The following ATP13A5 variants were observed in gnomAD, a reference collection of about 807,000 sequenced individuals.
ATP13A5 encodes probable cation-transporting ATPase 13A5.
In ATP13A5, 149 loss-of-function variants were observed where a neutral mutation model predicts 150.2. The observed-to-expected ratio is 0.99, with a 90% CI of 0.87 to 1.14. The LOEUF (loss-of-function observed/expected upper bound fraction) is 1.14. Among genes scored for constraint, ATP13A5 ranks in the 50% most tolerant of loss-of-function variants. ATP13A5 has a pLI of 0.00. For missense variants in ATP13A5, 1,383 were observed against 1,449.3 expected, an observed-to-expected ratio of 0.95 and a Z score of 0.74; for synonymous variants, 497 against 522.2, an observed-to-expected ratio of 0.95 and a Z score of 0.66.
chr3:193,281,120 G>A, intron 27 of ATP13A5: 1 of 915,182 alleles, frequency 1.1e-6, no homozygotes, highest in Non-Finnish European at 1.3e-6. Context: ...CATCTCTCAG[G>A]ATAAAGCAAT....
intron 1 of ATP13A5, among the ~76,000 whole-genome samples, chr3:193,371,090 G>A (rs1481577335): frequency 6.6e-6 from 1 of 152,082 alleles, no homozygotes; most frequent in Non-Finnish European, 1.5e-5. Flanking sequence ...TGTAAGTGTG[G>A]GTCAAAAGAT....
chr3:193,321,611 A>G, intron 16 of ATP13A5, 70 bp downstream of exon 16: 1 of 1,546,470 alleles, frequency 6.5e-7, no homozygotes, highest in Non-Finnish European at 8.8e-7. Flanking sequence ...AGCCTTGGGG[A>G]CAGAGCAAGA....
chr3:193,303,340 G>A (rs1478258838), intron 23 of ATP13A5, among the ~76,000 whole-genome samples: 2 of 152,092 alleles, frequency 1.3e-5, no homozygotes, highest in African/African-American at 2.4e-5. Context: ...CCTGGCTTGA[G>A]TTCTCACACT....
rs1473618388 is a variant in ATP13A5 at position 193,280,529 on chromosome 3, T to G, written c.3227-1075A>C. On this transcript the variant is annotated intron_variant, in intron 27 of 29. Transcript: ENST00000342358. The stretch of plus-strand genomic sequence containing the variant: ...ATCTCTGGTTCTCTGGAACTCTGAC[T>G]TGAAAAAGTAAATGAGAAATTAGCA... Among the ~76,000 whole-genome samples, 20 of 152,332 alleles carry G rather than the reference T, an allele frequency of 1.3e-4. 1 individual carries two copies. The East Asian group carries it at 3.9e-3, about 29-fold the overall frequency.
intron 22 of ATP13A5, among the ~76,000 whole-genome samples, chr3:193,306,865 A>ACC (rs1293466102): frequency 6.6e-6 from 1 of 152,234 alleles, no homozygotes; most frequent in African/African-American, 2.4e-5. Context: ...CTTAAAAACT[A>ACC]ACCAGAGAAT....
chr3:193,299,569 C>T (rs1241008791), intron 24 of ATP13A5, among the ~76,000 whole-genome samples: 1 of 152,088 alleles, frequency 6.6e-6, no homozygotes, highest in Non-Finnish European at 1.5e-5. Context: ...GAAGTGAAGG[C>T]GCAATTCATT....
chr3:193,343,449 A>G lies in ATP13A5; in HGVS notation c.943+478T>C, dbSNP rs77273664. Among the ~76,000 whole-genome samples, 1,017 of 152,310 alleles carry G rather than the reference A, an allele frequency of 6.7e-3. 8 individuals are homozygous for G. The highest frequency in any genetic ancestry group is 0.023 in the African/African-American group (957 of 41,578). ...TGCGATCGTCTTTGCCCGGAGGTTC[A>G]ACTCAAACTCCTTTCCTGTGAAACC... On this transcript the variant is annotated intron_variant, in intron 9 of 29. Transcript: ENST00000342358.
chr3:193,275,973 C>A (rs13084990), intron 29 of ATP13A5, among the ~76,000 whole-genome samples: 66,543 of 151,914 alleles, frequency 0.44, 15,317 homozygotes, highest in Admixed American at 0.53. Context: ...GCTATTTAAA[C>A]AAACAGCATC....
chr3:193,278,807 A>G (rs867644826), intron 28 of ATP13A5, among the ~76,000 whole-genome samples: 8 of 152,266 alleles, frequency 5.3e-5, no homozygotes, highest in Non-Finnish European at 1.2e-4. Flanking sequence ...CAACAAATCT[A>G]TGACTCGGAG....
chr3:193,301,302 C>T lies in ATP13A5; in HGVS notation c.2684G>A (p.Gly895Asp). ...IQCVPHLIRE[G>D]RAALVSSFGV... is the part of the protein sequence containing the mutation. ...AAAGGATGAAACCAGAGCAGCTCGG[C>T]CTTCTCTGTTTAAAAAGAAATAAAA... Residue 895 changes from glycine to aspartate, a missense_variant, in exon 24 of 30, where the codon GGC becomes GAC. Physicochemically the swap from Gly to Asp is moderately conservative, Grantham distance 94. Coordinates refer to ENST00000342358, the MANE Select transcript of ATP13A5 (RefSeq NM_198505.4). 1 of 1,608,862 alleles carries T rather than the reference C, an allele frequency of 6.2e-7. No individual in the cohort carries two copies. The highest frequency in any genetic ancestry group is 8.5e-7 in the Non-Finnish European group (1 of 1,178,282).
chr3:193,355,350 T>C (rs1350165423), intron 5 of ATP13A5, among the ~76,000 whole-genome samples: 1 of 152,174 alleles, frequency 6.6e-6, no homozygotes, highest in African/African-American at 2.4e-5. Flanking sequence ...TTAGCACTTA[T>C]TGTAATAGAA....
At chr3:193,290,681 G>C (rs60595533) in intron 25 of ATP13A5, among the ~76,000 whole-genome samples, 56,906 of 151,938 alleles carry the variant, frequency 0.37, 10,964 homozygotes, top group East Asian at 0.57. Flanking sequence ...ATTGCTTCTA[G>C]ATGAGAGTGT....
At chr3:193,319,178 AC>A in intron 16 of ATP13A5, 70 bp from the exon 17 acceptor site, 4 of 1,112,568 alleles carry the variant, frequency 3.6e-6, no homozygotes, top group Non-Finnish European at 5.4e-6. Context: ...ACTCCAGGAC[AC>A]AGCCATTGTA....
intron 9 of ATP13A5, among the ~76,000 whole-genome samples, chr3:193,335,644 A>G (rs547027352): frequency 6.6e-6 from 1 of 152,304 alleles, no homozygotes; most frequent in East Asian, 1.9e-4. Flanking sequence ...GTTATTCCAC[A>G]TCATTTTCAG....
intron 23 of ATP13A5, among the ~76,000 whole-genome samples, chr3:193,304,450 A>G (rs1577337188): frequency 6.6e-6 from 1 of 152,254 alleles, no homozygotes; most frequent in Admixed American, 6.5e-5. Context: ...CCTGCCAGTG[A>G]CCTGTTTATT....
chr3:193,374,490 A>T (rs190687051), intron 1 of ATP13A5, among the ~76,000 whole-genome samples: 33 of 152,174 alleles, frequency 2.2e-4, no homozygotes, highest in Admixed American at 3.9e-4. Flanking sequence ...TGAAATTTTT[A>T]AAAAATTAAC....
intron 7 of ATP13A5, among the ~76,000 whole-genome samples, chr3:193,350,601 A>C (rs1712527282): frequency 6.6e-6 from 1 of 152,202 alleles, no homozygotes. Flanking sequence ...AGACATTATA[A>C]AGGACTTCTA....
At chr3:193,314,313 T>G in intron 18 of ATP13A5, 120 bp from the exon 19 acceptor site, 1 of 1,092,034 alleles carries the variant, frequency 9.2e-7, no homozygotes, top group Non-Finnish European at 1.3e-6. Flanking sequence ...CTTTCTGCCT[T>G]ATTTTATCTT....
chr3:193,375,021 T>G (rs771922502), intron 1 of ATP13A5, among the ~76,000 whole-genome samples: 2 of 152,150 alleles, frequency 1.3e-5, no homozygotes, highest in Non-Finnish European at 2.9e-5. Context: ...AGAACAATAA[T>G]AAATAAATTT....
Sources: gnomAD v4.1 joint callset for allele counts (sites outside exome capture counted in the v4.1 genomes callset) on GRCh38, gnomAD v4.1.1 for gene constraint, MANE v1.5 for transcripts, NCBI Gene and HGNC (gene_info 2026-07-23, HGNC 2026-07-21) for gene names.